The following DDC variants were observed in gnomAD, a reference collection of about 807,000 sequenced individuals.
DDC encodes the protein aromatic-L-amino-acid decarboxylase.
In DDC, 43 loss-of-function variants were observed where a neutral mutation model predicts 60.0. That is an observed-to-expected ratio of 0.72 (90% CI 0.56 to 0.92). DDC has a LOEUF of 0.92. DDC is among the 40% of genes least tolerant of loss of function. The probability of loss-of-function intolerance (pLI) is 0.00; values close to 1 mark genes in which losing one functional copy is unlikely to be tolerated. For synonymous variants in DDC, 232 were observed against 234.6 expected, an observed-to-expected ratio of 0.99 and a Z score of 0.10; for missense variants, 573 against 620.2, an observed-to-expected ratio of 0.92 and a Z score of 0.81.
At position 50,479,788 on chromosome 7, in the gene DDC, T is replaced by A; in HGVS notation, c.1020A>T (p.Ser340=). 1 of 1,613,210 alleles carries A rather than the reference T, an allele frequency of 6.2e-7. No individual in the cohort carries two copies. Among genetic ancestry groups the A allele is most frequent in the Non-Finnish European group, 8.5e-7 (1 of 1,179,616 alleles). ...PTYLKHSHQD[S]GLITDYRHWQ... ...ACAGAAAGCAGGCTCACAGCTTACCTGAATCCTGATGGCTGTGCTTCAGGT... is the reference window on the plus strand; with the variant it reads ...ACAGAAAGCAGGCTCACAGCTTACCAGAATCCTGATGGCTGTGCTTCAGGT... Residue 340 remains serine, a splice_region_variant and synonymous_variant, in exon 10 of 15, where the codon TCA becomes TCT. Transcript: ENST00000444124.
chr7:50,539,851 G>A (rs904267256), intron 3 of DDC, 64 bp downstream of exon 3: 36 of 1,259,384 alleles, frequency 2.9e-5, no homozygotes, highest in African/African-American at 2.1e-4. Flanking sequence ...CATAGGTACC[G>A]TGTCCCCACC....
intron 1 of DDC, among the ~76,000 whole-genome samples, chr7:50,563,310 A>C (rs751550157): frequency 5.3e-5 from 8 of 152,198 alleles, no homozygotes; most frequent in Non-Finnish European, 1.0e-4. Flanking sequence ...TGACATTTGC[A>C]TAATGCCACT....
intron 8 of DDC, among the ~76,000 whole-genome samples, chr7:50,496,906 T>G (rs2043139547): frequency 6.6e-6 from 1 of 152,226 alleles, no homozygotes; most frequent in South Asian, 2.1e-4. Context: ...AACTTTCCAC[T>G]GCTCTGGAGA....
intron 1 of DDC, among the ~76,000 whole-genome samples, chr7:50,555,384 T>G (rs1243895042): frequency 2.0e-5 from 3 of 152,118 alleles, no homozygotes; most frequent in African/African-American, 7.2e-5. Context: ...CTATGCTCAT[T>G]TTAAAAGGGA....
At chr7:50,510,494 C>A (rs949140482) in intron 6 of DDC, among the ~76,000 whole-genome samples, 4 of 151,334 alleles carry the variant, frequency 2.6e-5, no homozygotes, top group Non-Finnish European at 4.4e-5. Flanking sequence ...CATGGTGAAA[C>A]CTCATCTCTA....
intron 9 of DDC, among the ~76,000 whole-genome samples, chr7:50,483,215 A>G (rs565628270): frequency 6.6e-6 from 1 of 152,132 alleles, no homozygotes; most frequent in South Asian, 2.1e-4. Flanking sequence ...TTGTCCTGAA[A>G]TGTTGTTGAC....
chr7:50,494,940 G>C (rs1246847443), intron 9 of DDC, among the ~76,000 whole-genome samples: 1 of 152,174 alleles, frequency 6.6e-6, no homozygotes, highest in Non-Finnish European at 1.5e-5. Context: ...TGGGATTACA[G>C]GTGTGAGCCA....
At chr7:50,497,862 G>A (rs1299055659) in intron 8 of DDC, among the ~76,000 whole-genome samples, 1 of 152,194 alleles carries the variant, frequency 6.6e-6, no homozygotes, top group Non-Finnish European at 1.5e-5. Flanking sequence ...TCATTGATTA[G>A]TAGTAAGAGG....
chr7:50,508,270 C>G (rs1051647806), intron 6 of DDC, among the ~76,000 whole-genome samples: 2 of 152,242 alleles, frequency 1.3e-5, no homozygotes, highest in Non-Finnish European at 2.9e-5. Flanking sequence ...ATTACTCCAG[C>G]TCAGCATTGC....
intron 4 of DDC, among the ~76,000 whole-genome samples, chr7:50,529,974 G>A (rs565207996): frequency 1.3e-5 from 2 of 152,194 alleles, no homozygotes; most frequent in East Asian, 1.9e-4. Context: ...AATCTGACAT[G>A]TTTCTGATAA....
intron 9 of DDC, among the ~76,000 whole-genome samples, chr7:50,484,228 A>G (rs2153537045): frequency 6.6e-6 from 1 of 152,292 alleles, no homozygotes; most frequent in East Asian, 1.9e-4. Flanking sequence ...CAGGCCAACT[A>G]CCAACATCTG....
At chr7:50,562,575 C>T (rs1230449691) in intron 1 of DDC, among the ~76,000 whole-genome samples, 1 of 152,236 alleles carries the variant, frequency 6.6e-6, no homozygotes, top group Non-Finnish European at 1.5e-5. Flanking sequence ...CTGAGGAACA[C>T]AGACTCCCAC....
At chr7:50,480,069 T>C (rs1196474483) in intron 9 of DDC, 4 of 587,156 alleles carry the variant, frequency 6.8e-6, no homozygotes, top group Non-Finnish European at 1.2e-5. Flanking sequence ...TGTTACCAGT[T>C]CCTGGCACAC....
Position 50,528,194 on chromosome 7 carries a change from C to A in DDC, c.657G>T (p.Ala219=), listed in dbSNP as rs1262172516. Residue 219 remains alanine, a synonymous_variant, in exon 6 of 15, where the codon GCG becomes GCT. Coordinates refer to ENST00000444124, the MANE Select transcript of DDC (RefSeq NM_001082971.2). ...IPSDGNFAMR[A]SALQEALERD... ...TCTCCAGGGCTTCCTGCAGGGCAGA[C>A]GCACGCATGGCGAAGTTGCCATCTG... 1.2e-6 allele frequency: 2 copies of A among 1,613,880 alleles called. No individual in the cohort carries two copies. Among genetic ancestry groups the A allele is most frequent in the Non-Finnish European group, 1.7e-6 (2 of 1,180,050 alleles).
intron 6 of DDC, among the ~76,000 whole-genome samples, chr7:50,527,485 CT>C (rs973852934): frequency 3.9e-5 from 6 of 152,134 alleles, no homozygotes; most frequent in African/African-American, 1.4e-4. Context: ...TAAGGGAGAT[CT>C]TTCTTTCTAC....
chr7:50,516,756 A>G (rs6970468), intron 6 of DDC, among the ~76,000 whole-genome samples: 110,589 of 152,006 alleles, frequency 0.73, 40,534 homozygotes, highest in East Asian at 0.8. Flanking sequence ...TATTACAAGT[A>G]ACACCACTGA....
chr7:50,464,165 A>T (rs1415803525), intron 13 of DDC, among the ~76,000 whole-genome samples: 4 of 152,066 alleles, frequency 2.6e-5, no homozygotes, highest in South Asian at 2.1e-4. Flanking sequence ...AAGGAACTGA[A>T]TGTGGGACAC....
chr7:50,471,593 C>A (rs1400667045), intron 11 of DDC, among the ~76,000 whole-genome samples: 1 of 152,110 alleles, frequency 6.6e-6, no homozygotes, highest in East Asian at 1.9e-4. Flanking sequence ...GACACATTAT[C>A]TCCTTTGAGC....
At chr7:50,460,239 G>C (rs1215085782) in intron 14 of DDC, among the ~76,000 whole-genome samples, 1 of 144,274 alleles carries the variant, frequency 6.9e-6, no homozygotes, top group Non-Finnish European at 1.5e-5. Context: ...GAGGTGGGGG[G>C]TCAGCCCCTG....
Sources: gnomAD v4.1 joint callset for allele counts (sites outside exome capture counted in the v4.1 genomes callset) on GRCh38, gnomAD v4.1.1 for gene constraint, MANE v1.5 for transcripts, NCBI Gene and HGNC (gene_info 2026-07-23, HGNC 2026-07-21) for gene names.